FANK1: variants seen among roughly 807,000 people sequenced by gnomAD.
FANK1 encodes fibronectin type 3 and ankyrin repeat domains protein 1.
Under a neutral mutation model 45.3 loss-of-function variants are expected in FANK1, and 44 were observed. That is an observed-to-expected ratio of 0.97 (90% CI 0.76 to 1.25). The LOEUF is 1.25. Ranked by LOEUF, FANK1 falls within the 50% of genes most tolerant of loss-of-function variation. The pLI is 0.00. For synonymous variants in FANK1, 149 were observed against 152.5 expected, an observed-to-expected ratio of 0.98 and a Z score of 0.17; for missense variants, 391 against 424.4, an observed-to-expected ratio of 0.92 and a Z score of 0.69.
intron 1 of FANK1, among the ~76,000 whole-genome samples, chr10:125,898,149 T>C (rs1254156107): frequency 6.6e-6 from 1 of 152,100 alleles, no homozygotes; most frequent in East Asian, 1.9e-4. Context: ...ATTGCACCGC[T>C]GCACTCCAGC....
chr10:126,004,348 A>AT lies in FANK1; in HGVS notation c.540-530dup, dbSNP rs927027172. 2.7e-4 allele frequency: 41 copies of AT among 151,962 alleles called. 1 individual carries two copies. The allele number at this position is 151,962 out of a possible 1,614,324, so 9.4% of individuals were successfully genotyped here. ...TTACCCTCAGTTACAGTCACTATTC[A>AT]TTTTTTATTGAGATATAATTCAGAT... is the stretch of plus-strand genomic sequence containing the variant. On this transcript the variant is annotated intron_variant, in intron 6 of 10. Transcript: ENST00000368693.
At chr10:125,942,577 T>A (rs181246527) in intron 1 of FANK1, among the ~76,000 whole-genome samples, 1 of 152,222 alleles carries the variant, frequency 6.6e-6, no homozygotes, top group Admixed American at 6.5e-5. Context: ...GTAGAAAAGC[T>A]AACATTAACT....
intron 1 of FANK1, among the ~76,000 whole-genome samples, chr10:125,909,184 A>G (rs147431748): frequency 0.016 from 2,486 of 152,290 alleles, 32 homozygotes; most frequent in South Asian, 0.033. Flanking sequence ...GGAAGCTGCC[A>G]TGTGTTTTAT....
At chr10:125,994,843 G>A (rs1952201179) in intron 3 of FANK1, 4 of 985,148 alleles carry the variant, frequency 4.1e-6, no homozygotes. Context: ...GACTCCTCCT[G>A]GGTCTTCGCT....
intron 7 of FANK1, among the ~76,000 whole-genome samples, chr10:126,005,501 T>C (rs1953127549): frequency 1.3e-5 from 2 of 151,990 alleles, no homozygotes; most frequent in African/African-American, 4.8e-5. Context: ...AGAGACGGGG[T>C]TTCACCATGT....
chr10:125,913,657 A>G (rs113886967), intron 1 of FANK1, among the ~76,000 whole-genome samples: 1 of 152,210 alleles, frequency 6.6e-6, no homozygotes, highest in Non-Finnish European at 1.5e-5. Flanking sequence ...ATGGTTAGGC[A>G]AGGCAGCATG....
In FANK1 at chr10:126,009,272, G is replaced by A. The variant is rs567874921; in HGVS notation, c.972+6G>A. On this transcript the variant is annotated splice_donor_region_variant and intron_variant, in intron 10 of 10. Transcript: ENST00000368693. ...CCAGAGTTTTTGACAGACAGGTTGGGATGCTCTTTCTGCCTATCAAGGCTA... is the reference window on the plus strand; with the variant it reads ...CCAGAGTTTTTGACAGACAGGTTGGAATGCTCTTTCTGCCTATCAAGGCTA... 12 of 1,614,162 alleles carry A rather than the reference G, an allele frequency of 7.4e-6. No homozygotes were observed. The African/African-American group carries it at 1.1e-4, about 14-fold the overall frequency.
intron 1 of FANK1, among the ~76,000 whole-genome samples, chr10:125,959,433 A>AT (rs1949784200): frequency 1.3e-5 from 2 of 150,972 alleles, no homozygotes; most frequent in African/African-American, 4.9e-5. Flanking sequence ...AAAAAAAAAA[A>AT]GATACGAAAT....
chr10:125,924,559 G>T (rs886524022), intron 1 of FANK1, among the ~76,000 whole-genome samples: 1 of 152,224 alleles, frequency 6.6e-6, no homozygotes, highest in African/African-American at 2.4e-5. Flanking sequence ...GTCTGTTGAT[G>T]TTTTTTCCAA....
chr10:125,999,392 G>A (rs1051739490), intron 6 of FANK1, among the ~76,000 whole-genome samples: 5 of 151,766 alleles, frequency 3.3e-5, no homozygotes, highest in Non-Finnish European at 7.4e-5. Flanking sequence ...GTAGAGATGG[G>A]GTTTCACCGT....
At chr10:125,960,046 G>A (rs1949821659) in intron 1 of FANK1, among the ~76,000 whole-genome samples, 1 of 152,160 alleles carries the variant, frequency 6.6e-6, no homozygotes, top group South Asian at 2.1e-4. Context: ...ACCAATTTCT[G>A]TAGAATTTTG....
chr10:126,005,505 A>G (rs1298077522), intron 7 of FANK1, among the ~76,000 whole-genome samples: 1 of 151,892 alleles, frequency 6.6e-6, no homozygotes, highest in Non-Finnish European at 1.5e-5. Context: ...ACGGGGTTTC[A>G]CCATGTTGGC....
chr10:125,949,965 A>G (rs1589999345), intron 1 of FANK1, among the ~76,000 whole-genome samples: 1 of 121,472 alleles, frequency 8.2e-6, no homozygotes, highest in Non-Finnish European at 1.8e-5. Flanking sequence ...AACGCCGCAT[A>G]TCTACAACTA....
chr10:125,922,590 C>T (rs1228484313), intron 1 of FANK1, among the ~76,000 whole-genome samples: 1 of 152,194 alleles, frequency 6.6e-6, no homozygotes, highest in East Asian at 1.9e-4. Flanking sequence ...GATCAGGGAT[C>T]ACTGCATTCT....
chr10:125,986,355 A>C (rs932925325), intron 2 of FANK1, among the ~76,000 whole-genome samples: 5 of 152,194 alleles, frequency 3.3e-5, no homozygotes, highest in African/African-American at 1.2e-4. Flanking sequence ...AAACAGGATC[A>C]TTGAACGTTC....
chr10:125,906,876 G>C (rs922472638), intron 1 of FANK1, among the ~76,000 whole-genome samples: 2 of 152,112 alleles, frequency 1.3e-5, no homozygotes, highest in Admixed American at 6.6e-5. Flanking sequence ...AGTTATTTCT[G>C]AGATTCTCCC....
At chr10:125,991,361 G>T (rs1047328756) in intron 3 of FANK1, among the ~76,000 whole-genome samples, 2 of 152,030 alleles carry the variant, frequency 1.3e-5, no homozygotes, top group African/African-American at 4.8e-5. Flanking sequence ...CAACCTCAGG[G>T]GGGCTGTACT....
intron 1 of FANK1, among the ~76,000 whole-genome samples, chr10:125,942,649 A>C (rs1439602391): frequency 6.6e-6 from 1 of 152,186 alleles, no homozygotes; most frequent in African/African-American, 2.4e-5. Context: ...TTACCAACTT[A>C]AATTCAGAAA....
intron 1 of FANK1, among the ~76,000 whole-genome samples, chr10:125,901,086 A>G (rs1258111672): frequency 2.0e-5 from 3 of 150,980 alleles, no homozygotes; most frequent in South Asian, 2.1e-4. Context: ...AGGACTGCCT[A>G]CTGGGCTCAC....
Sources: gnomAD v4.1 joint callset for allele counts (sites outside exome capture counted in the v4.1 genomes callset) on GRCh38, gnomAD v4.1.1 for gene constraint, MANE v1.5 for transcripts, NCBI Gene and HGNC (gene_info 2026-07-23, HGNC 2026-07-21) for gene names.